Variants in AKT3 observed in about 807,000 individuals in gnomAD.
The protein encoded by AKT3 is RAC-gamma serine/threonine-protein kinase.
A neutral mutation model predicts 65.3 loss-of-function variants in AKT3; 15 were observed. The ratio of observed to expected loss-of-function variants is 0.23; its 90% confidence interval spans 0.15 to 0.35. The LOEUF (loss-of-function observed/expected upper bound fraction) is 0.35, where lower values mean the gene tolerates loss of function less well. Among genes scored for constraint, AKT3 ranks in the 10% least tolerant of loss-of-function variants. AKT3 has a pLI of 1.00. For synonymous variants in AKT3, 206 were observed against 183.8 expected, an observed-to-expected ratio of 1.12 and a Z score of -0.98; for missense variants, 243 against 576.5, an observed-to-expected ratio of 0.42 and a Z score of 5.92.
chr1:243,593,160 G>A (rs759127219), intron 8 of AKT3, among the ~76,000 whole-genome samples: 1 of 152,124 alleles, frequency 6.6e-6, no homozygotes, highest in South Asian at 2.1e-4. Flanking sequence ...GAGAACAGTT[G>A]TTAACACGTT....
Position 243,502,623 on chromosome 1 carries a change from T to C in AKT3, c.*2626A>G, listed in dbSNP as rs2148339922. ...TTTTAGAAATCTCCCTCTACACGCA[T>C]TTCTGGTTTTCTATTATTCCTCCAT... On this transcript the variant is annotated 3_prime_UTR_variant, in exon 14 of 14. Coordinates refer to ENST00000673466, the MANE Select transcript of AKT3 (RefSeq NM_005465.7). 1 of 233,248 alleles carries C rather than the reference T, an allele frequency of 4.3e-6. No homozygotes were observed. The highest frequency in any genetic ancestry group is 8.5e-6 in the Non-Finnish European group (1 of 118,004). The allele number at this position is 233,248 out of a possible 1,614,324, so 14.4% of individuals were successfully genotyped here.
intron 2 of AKT3, among the ~76,000 whole-genome samples, chr1:243,811,477 C>A (rs937684540): frequency 6.6e-6 from 1 of 152,112 alleles, no homozygotes; most frequent in Non-Finnish European, 1.5e-5. Context: ...TGTGAAGGAC[C>A]TCCTTCAAGG....
At position 243,542,580 on chromosome 1, in the gene AKT3, A is replaced by G. The variant is rs115729382; in HGVS notation, c.1251+2930T>C. On this transcript the variant is annotated intron_variant, in intron 12 of 13. Transcript: ENST00000673466. The stretch of plus-strand genomic sequence containing the variant: ...TTATCAAAACAATAAAAATGTAACA[A>G]TAATCCCTGATCTTAGGAATGAATT... Among the ~76,000 whole-genome samples the G allele has an allele frequency of 5.2e-3, 796 of 152,342 alleles. 10 individuals carry two copies. The highest frequency in any genetic ancestry group is 0.018 in the African/African-American group (749 of 41,580).
intron 2 of AKT3, among the ~76,000 whole-genome samples, chr1:243,841,381 T>C (rs561267878): frequency 2.4e-4 from 36 of 152,262 alleles, no homozygotes; most frequent in Admixed American, 1.4e-3. Flanking sequence ...TGAAAGCAGA[T>C]TTTAGAGATT....
chr1:243,647,913 C>T (rs992522635), intron 4 of AKT3, among the ~76,000 whole-genome samples: 1 of 152,052 alleles, frequency 6.6e-6, no homozygotes, highest in African/African-American at 2.4e-5. Flanking sequence ...CAACTAAGTT[C>T]TATTCTATTT....
chr1:243,844,689 C>A (rs915808665), intron 1 of AKT3, among the ~76,000 whole-genome samples: 4 of 152,072 alleles, frequency 2.6e-5, no homozygotes, highest in Admixed American at 6.6e-5. Context: ...ATATTGTCCA[C>A]GCTGCACAAA....
intron 2 of AKT3, among the ~76,000 whole-genome samples, chr1:243,832,952 T>C (rs571958079): frequency 6.6e-6 from 1 of 152,202 alleles, no homozygotes; most frequent in South Asian, 2.1e-4. Flanking sequence ...TTGTCCATTT[T>C]CATACTGCTA....
At chr1:243,732,843 A>T (rs892375352) in intron 2 of AKT3, among the ~76,000 whole-genome samples, 1 of 152,190 alleles carries the variant, frequency 6.6e-6, no homozygotes, top group Admixed American at 6.5e-5. Context: ...TTGAGAGAAC[A>T]CTGTTAATCC....
Position 243,502,677 on chromosome 1 carries a change from AG to A in AKT3, c.*2571del, listed in dbSNP as rs1293429383. 1.7e-5 allele frequency: 4 copies of A among 233,274 alleles called. No homozygotes were observed. The highest frequency in any genetic ancestry group is 6.6e-5 in the African/African-American group (3 of 45,470). The allele number at this position is 233,274 out of a possible 1,614,324, so 14.5% of individuals were successfully genotyped here. A position where few individuals can be genotyped will look rare whatever the true frequency, so the allele number is the denominator to read the frequency against. On this transcript the variant is annotated 3_prime_UTR_variant, in exon 14 of 14. Coordinates refer to ENST00000673466, the MANE Select transcript of AKT3 (RefSeq NM_005465.7). ...AGCTGACAGATCTGGAAGTGAAAAT[AG>A]GGGATTCTCAAAATCAAAGCCAAGA...
Position 243,526,778 on chromosome 1 carries a change from T to TAAAAAAAAAAAAAAAAAAAAAAA in AKT3, c.1252-14353_1252-14352insTTTTTTTTTTTTTTTTTTTTTTT, listed in dbSNP as rs1671117704. On this transcript the variant is annotated intron_variant, in intron 12 of 13. Coordinates refer to ENST00000673466, the MANE Select transcript of AKT3 (RefSeq NM_005465.7). ...TTGCCAGCTGCACTACAAAAAATGGTTAAAAAAAAAAAAAAAAAAAAAAAA... is the reference window on the plus strand; with the variant it reads ...TTGCCAGCTGCACTACAAAAAATGGTAAAAAAAAAAAAAAAAAAAAAAATAAAAAAAAAAAAAAAAAAAAAAAA... 4.1e-4 allele frequency among the ~76,000 whole-genome samples: 23 copies of TAAAAAAAAAAAAAAAAAAAAAAA among 55,726 alleles called. 9 individuals are homozygous for TAAAAAAAAAAAAAAAAAAAAAAA. Among genetic ancestry groups the TAAAAAAAAAAAAAAAAAAAAAAA allele is most frequent in the African/African-American group, 9.1e-4 (15 of 16,498 alleles). 36.6% of individuals were successfully genotyped at this position (55,726 alleles called of 152,430 possible).
chr1:243,511,818 G>C (rs988149138), intron 13 of AKT3, among the ~76,000 whole-genome samples: 1 of 152,098 alleles, frequency 6.6e-6, no homozygotes, highest in African/African-American at 2.4e-5. Context: ...GTAATTTATA[G>C]GTATCCAAAA....
intron 6 of AKT3, among the ~76,000 whole-genome samples, chr1:243,626,862 T>C (rs1266145704): frequency 6.6e-6 from 1 of 152,192 alleles, no homozygotes; most frequent in African/African-American, 2.4e-5. Flanking sequence ...GATATGATGT[T>C]TGACCAGGGA....
intron 3 of AKT3, among the ~76,000 whole-genome samples, chr1:243,667,009 T>C (rs1682833445): frequency 6.6e-6 from 1 of 152,178 alleles, no homozygotes; most frequent in South Asian, 2.1e-4. Context: ...TTGCTGCTGC[T>C]GCCCAGCATC....
chr1:243,572,493 A>G (rs1674634605), intron 9 of AKT3, among the ~76,000 whole-genome samples: 1 of 152,232 alleles, frequency 6.6e-6, no homozygotes. Flanking sequence ...CACGAGGCAC[A>G]TTAATAAATG....
chr1:243,660,672 A>C (rs971332633), intron 4 of AKT3, among the ~76,000 whole-genome samples: 1 of 152,214 alleles, frequency 6.6e-6, no homozygotes, highest in African/African-American at 2.4e-5. Context: ...GCCCTCTCTC[A>C]CCACTCCTGT....
At chr1:243,576,068 A>G (rs926746327) in intron 8 of AKT3, among the ~76,000 whole-genome samples, 1 of 152,176 alleles carries the variant, frequency 6.6e-6, no homozygotes, top group African/African-American at 2.4e-5. Flanking sequence ...AAATTAGCAT[A>G]ATTTGGATCC....
intron 4 of AKT3, among the ~76,000 whole-genome samples, chr1:243,663,794 A>G (rs544070368): frequency 1.3e-5 from 2 of 152,216 alleles, no homozygotes; most frequent in East Asian, 1.9e-4. Context: ...ATCAAATATA[A>G]TAACATGTGC....
intron 12 of AKT3, among the ~76,000 whole-genome samples, chr1:243,512,656 G>GA (rs1670092466): frequency 6.6e-6 from 1 of 152,100 alleles, no homozygotes; most frequent in East Asian, 1.9e-4. Context: ...AACAACAAAA[G>GA]AAAACCATTG....
chr1:243,639,295 C>T (rs1051731814), intron 5 of AKT3, among the ~76,000 whole-genome samples: 1 of 152,270 alleles, frequency 6.6e-6, no homozygotes, highest in South Asian at 2.1e-4. Flanking sequence ...GTGAATTCTA[C>T]AGACATTTAA....
Sources: allele counts gnomAD v4.1 joint callset (sites outside exome capture counted in the v4.1 genomes callset), GRCh38; gene constraint gnomAD v4.1.1; transcripts MANE v1.5; gene names NCBI Gene and HGNC (gene_info 2026-07-23, HGNC 2026-07-21).